PLA2R1: variants seen among roughly 807,000 people sequenced by gnomAD.
PLA2R1 encodes the protein phospholipase A2 receptor 1.
A neutral mutation model predicts 195.9 loss-of-function variants in PLA2R1; 158 were observed. The ratio of observed to expected loss-of-function variants is 0.81; its 90% CI spans 0.71 to 0.92. The LOEUF (loss-of-function observed/expected upper bound fraction) is 0.92, where lower values mean the gene tolerates loss of function less well. PLA2R1 is among the 40% of genes least tolerant of loss of function. The probability of loss-of-function intolerance (pLI) is 0.00; values close to 1 mark genes in which losing one functional copy is unlikely to be tolerated. For missense variants in PLA2R1, 1,626 were observed against 1,764.6 expected (o/e 0.92, Z 1.41); for synonymous variants, 586 against 598.2 (o/e 0.98, Z 0.30).
At chr2:159,984,362 T>C (rs1359167504) in intron 12 of PLA2R1, among the ~76,000 whole-genome samples, 2 of 152,172 alleles carry the variant, frequency 1.3e-5, no homozygotes, top group Non-Finnish European at 2.9e-5. Flanking sequence ...GTGACTGGCA[T>C]GTACTTGTCC....
At chr2:159,974,660 C>T (rs914834666) in intron 17 of PLA2R1, among the ~76,000 whole-genome samples, 1 of 152,038 alleles carries the variant, frequency 6.6e-6, no homozygotes, top group African/African-American at 2.4e-5. Context: ...CTTGAGTGTT[C>T]CATTCGTAAG....
At chr2:160,042,853 CAGAG>C (rs1399292210) in intron 2 of PLA2R1, among the ~76,000 whole-genome samples, 2 of 91,592 alleles carry the variant, frequency 2.2e-5, no homozygotes, top group Non-Finnish European at 5.1e-5. Flanking sequence ...ATGTGTGAGA[CAGAG>C]GGAGAGAGAG....
intron 4 of PLA2R1, among the ~76,000 whole-genome samples, chr2:160,032,487 G>T (rs1326841947): frequency 1.3e-5 from 2 of 152,152 alleles, no homozygotes. Context: ...TAACATATAT[G>T]TGCTTTTGCT....
At chr2:160,012,848 G>A (rs149807587) in intron 10 of PLA2R1, among the ~76,000 whole-genome samples, 5,253 of 152,172 alleles carry the variant, frequency 0.035, 321 homozygotes, top group African/African-American at 0.12. Context: ...GGAGGTGGAG[G>A]TTGCAGTGAG....
intron 25 of PLA2R1, among the ~76,000 whole-genome samples, chr2:159,949,295 C>A (rs1296576084): frequency 6.6e-6 from 1 of 151,700 alleles, no homozygotes; most frequent in Non-Finnish European, 1.5e-5. Flanking sequence ...AATGCCTTTC[C>A]ATGTCCCATT....
At chr2:159,999,936 A>G (rs1278332346) in intron 11 of PLA2R1, among the ~76,000 whole-genome samples, 4 of 152,186 alleles carry the variant, frequency 2.6e-5, no homozygotes, top group Admixed American at 1.3e-4. Context: ...AATGCTGGAT[A>G]AAACATTTTG....
chr2:160,062,562 T>C lies in PLA2R1; in HGVS notation c.-159A>G. 1 of 1,283,874 alleles carries C rather than the reference T, an allele frequency of 7.8e-7. No individual in the cohort carries two copies. The highest frequency in any genetic ancestry group is 1.0e-6 in the Non-Finnish European group (1 of 991,200). The allele number at this position is 1,283,874 out of a possible 1,614,324, so 79.5% of individuals were successfully genotyped here. ...CGGGGGCCTTGCCAGCCCAGAGCCCTGGAGACCCACTCCGCCACCGCTGTC... is the reference window on the plus strand; with the variant it reads ...CGGGGGCCTTGCCAGCCCAGAGCCCCGGAGACCCACTCCGCCACCGCTGTC... On this transcript the variant is annotated 5_prime_UTR_variant, in exon 1 of 30. Coordinates refer to ENST00000283243, the MANE Select transcript of PLA2R1 (RefSeq NM_007366.5).
Position 159,940,682 on chromosome 2 carries a change from TAC to T in PLA2R1, c.*1094_*1095del, listed in dbSNP as rs1350098108. ...AAAATAAAATCTGTAATTTTTTATT[TAC>T]AGACAGTATCATAATCATTATTTAC... On this transcript the variant is annotated 3_prime_UTR_variant, in exon 30 of 30. Transcript: ENST00000283243. 1 of 152,206 alleles carries T rather than the reference TAC, an allele frequency of 6.6e-6. No homozygotes were observed. Among genetic ancestry groups the T allele is most frequent in the Middle Eastern group, 3.2e-3 (1 of 316 alleles). 9.4% of individuals were successfully genotyped at this position (152,206 alleles called of 1,614,324 possible).
chr2:160,055,589 G>A (rs1695484983), intron 1 of PLA2R1, among the ~76,000 whole-genome samples: 1 of 152,216 alleles, frequency 6.6e-6, no homozygotes, highest in African/African-American at 2.4e-5. Flanking sequence ...CATGCAGCAG[G>A]ATACAGAATG....
intron 20 of PLA2R1, among the ~76,000 whole-genome samples, chr2:159,963,767 A>G (rs1378588329): frequency 6.6e-6 from 1 of 152,190 alleles, no homozygotes; most frequent in Admixed American, 6.5e-5. Context: ...ACCCTCACAC[A>G]CGGCTAGCAG....
Position 159,951,287 on chromosome 2 carries a change from T to C in PLA2R1, c.3540+53A>G, listed in dbSNP as rs1448091992. On this transcript the variant is annotated intron_variant, in intron 24 of 29. Transcript: ENST00000283243. ...TTCAGTGGCCAGATCATGAAGGAGGTAGATGCTAAACTTAATTATTCAAGG... is the reference window on the plus strand; with the variant it reads ...TTCAGTGGCCAGATCATGAAGGAGGCAGATGCTAAACTTAATTATTCAAGG... 7.5e-6 allele frequency: 7 copies of C among 934,074 alleles called. No homozygotes were observed. In the East Asian group the frequency reaches 1.7e-4, roughly 22 times the overall value. The allele number at this position is 934,074 out of a possible 1,614,324, so 57.9% of individuals were successfully genotyped here.
chr2:159,944,819 A>T (rs2125918692), intron 28 of PLA2R1, 87 bp downstream of exon 28: 1 of 1,018,128 alleles, frequency 9.8e-7, no homozygotes, highest in Non-Finnish European at 1.5e-6. Context: ...CTCAACTTGG[A>T]TTTTAAAACC....
At chr2:159,928,301 G>A (rs1686528896), downstream of PLA2R1, among the ~76,000 whole-genome samples, 1 of 152,168 alleles carries the variant, frequency 6.6e-6, no homozygotes, top group Admixed American at 6.6e-5. Flanking sequence ...CCTTTCTGGT[G>A]AGACTGCCCA....
intron 6 of PLA2R1, among the ~76,000 whole-genome samples, chr2:160,027,581 GT>G (rs1036279120): frequency 1.3e-5 from 2 of 152,084 alleles, no homozygotes; most frequent in South Asian, 4.1e-4. Flanking sequence ...TAAATCTAGA[GT>G]TTTTTCTAAT....
intron 11 of PLA2R1, among the ~76,000 whole-genome samples, chr2:160,002,025 G>A (rs1300004975): frequency 6.6e-6 from 1 of 150,462 alleles, no homozygotes; most frequent in African/African-American, 2.4e-5. Flanking sequence ...GTACATATGG[G>A]ATATATATAT....
intron 27 of PLA2R1, 195 bp downstream of exon 27, chr2:159,946,606 T>C: frequency 7.8e-7 from 1 of 1,287,854 alleles, no homozygotes; most frequent in African/African-American, 1.5e-5. Flanking sequence ...TTTGGTGTTC[T>C]GGGATTATTT....
At chr2:159,929,852 TTGTG>T (rs749572220), downstream of PLA2R1, among the ~76,000 whole-genome samples, 30 of 147,660 alleles carry the variant, frequency 2.0e-4, no homozygotes, top group Admixed American at 4.1e-4. Context: ...TATTATATAT[TTGTG>T]TGTGTGTGTG....
At chr2:160,039,582 T>G (rs1246804094) in intron 3 of PLA2R1, among the ~76,000 whole-genome samples, 2 of 152,226 alleles carry the variant, frequency 1.3e-5, no homozygotes, top group East Asian at 3.9e-4. Context: ...TTCCACTCAC[T>G]CTTCTCTGTC....
At chr2:160,039,017 C>G (rs1251072162) in intron 3 of PLA2R1, among the ~76,000 whole-genome samples, 1 of 151,976 alleles carries the variant, frequency 6.6e-6, no homozygotes, top group East Asian at 1.9e-4. Flanking sequence ...CAGGTGCCTA[C>G]CACCACACCC....
Sources: allele counts gnomAD v4.1 joint callset (sites outside exome capture counted in the v4.1 genomes callset), GRCh38; gene constraint gnomAD v4.1.1; transcripts MANE v1.5; gene names NCBI Gene and HGNC (gene_info 2026-07-23, HGNC 2026-07-21).